The following COL5A3 variants were observed in gnomAD, a reference collection of about 807,000 sequenced individuals.
COL5A3 encodes collagen alpha-3(V) chain.
Under a neutral mutation model 250.0 loss-of-function variants are expected in COL5A3, and 172 were observed. The observed-to-expected ratio is 0.69, with a 90% CI of 0.61 to 0.78. The LOEUF is 0.78. Among genes scored for constraint, COL5A3 ranks in the 30% least tolerant of loss-of-function variants. The probability of loss-of-function intolerance (pLI) is 0.00; values close to 1 mark genes in which losing one functional copy is unlikely to be tolerated. For synonymous variants in COL5A3, 937 were observed against 900.4 expected, an observed-to-expected ratio of 1.04 and a Z score of -0.73; for missense variants, 2,340 against 2,334.4, an observed-to-expected ratio of 1.00 and a Z score of -0.05.
At position 9,995,584 on chromosome 19, in the gene COL5A3, G is replaced by C; in HGVS notation, c.1567C>G (p.Pro523Ala). 6.2e-7 allele frequency: 1 copy of C among 1,608,676 alleles called. No homozygotes were observed. The highest frequency in any genetic ancestry group is 1.3e-5 in the African/African-American group (1 of 74,882). Residue 523 changes from proline (P) to alanine (A), a missense_variant, in exon 16 of 67, where the codon CCT becomes GCT. Pro to Ala is a conservative substitution (Grantham distance 27). This residue lies in a region of COL5A3 where 1,152 missense variants were observed against 1,146.3 expected (regional missense o/e 1.00). Coordinates refer to ENST00000264828, the MANE Select transcript of COL5A3 (RefSeq NM_015719.4). ...CTCACCATCTTGCCCACTCGGCCAG[G>C]GGGTCCATGAGGTCCCTGCAGGCCT... ...PRGLQGPHGP[P>A]GRVGKMGRPG...
chr19:10,002,472 C>A (rs948132341), intron 6 of COL5A3, among the ~76,000 whole-genome samples: 8 of 147,110 alleles, frequency 5.4e-5, no homozygotes, highest in African/African-American at 2.0e-4. Flanking sequence ...GACCCCCCAA[C>A]CCAGTGACCC....
Position 9,998,128 on chromosome 19 carries a change from T to C in COL5A3, c.1132A>G (p.Lys378Glu). The C allele has an allele frequency of 6.2e-7, 1 of 1,613,778 alleles. No individual in the cohort carries two copies. The highest frequency in any genetic ancestry group is 8.5e-7 in the Non-Finnish European group (1 of 1,179,920). The change falls in exon 9 of 67, where the codon AAA becomes GAA. Residue 378 changes from lysine to glutamate, a missense_variant. By Grantham distance (56) the Lys-to-Glu change is moderately conservative. Coordinates refer to ENST00000264828, the MANE Select transcript of COL5A3 (RefSeq NM_015719.4). ...IFPGAGEKGA[K>E]GEPAVIEKGQ... ...TTTTCAATCACTGCGGGCTCTCCTTTTGCTCCTTTCTCTCCAGCACCCTGG... is the reference window on the plus strand; with the variant it reads ...TTTTCAATCACTGCGGGCTCTCCTTCTGCTCCTTTCTCTCCAGCACCCTGG...
chr19:9,961,747 A>G (rs1179417110), intron 65 of COL5A3, among the ~76,000 whole-genome samples: 1 of 151,830 alleles, frequency 6.6e-6, no homozygotes. Context: ...TTTAGTAGAG[A>G]CGGGGTTTCA....
chr19:9,980,974 A>G (rs1367006530), intron 33 of COL5A3, 114 bp downstream of exon 33: 24 of 1,495,974 alleles, frequency 1.6e-5, no homozygotes, highest in Non-Finnish European at 2.1e-5. Context: ...CCGACCAGGG[A>G]CATTGATATA....
At chr19:9,989,597 A>G (rs1204019731) in intron 24 of COL5A3, 75 bp from the exon 25 acceptor site, 1 of 1,324,428 alleles carries the variant, frequency 7.6e-7, no homozygotes, top group Non-Finnish European at 1.0e-6. Flanking sequence ...CTACGCAGAC[A>G]TGCAGCCGCC....
In COL5A3 at chr19:10,009,591, C is replaced by A. The variant is rs1267399941; in HGVS notation, c.88+707G>T. 6.6e-6 allele frequency among the ~76,000 whole-genome samples: 1 copy of A among 152,044 alleles called. No individual in the cohort carries two copies. Among genetic ancestry groups the A allele is most frequent in the Non-Finnish European group, 1.5e-5 (1 of 68,010 alleles). On this transcript the variant is annotated intron_variant, in intron 1 of 66. Coordinates refer to ENST00000264828, the MANE Select transcript of COL5A3 (RefSeq NM_015719.4). This position sits in a 1 kb window ranked among gnomAD's most constrained non-coding sequence, Gnocchi z 4.4. Reference sequence around the variant, plus strand: ...GAAGCCCTGTCCATGGTGCTGATCGCGGCTCTGGGGACCGCGGGGTGGGGG... The same window carrying A: ...GAAGCCCTGTCCATGGTGCTGATCGAGGCTCTGGGGACCGCGGGGTGGGGG...
At chr19:10,008,123 C>T (rs2087468147) in intron 1 of COL5A3, among the ~76,000 whole-genome samples, 1 of 152,072 alleles carries the variant, frequency 6.6e-6, no homozygotes, top group African/African-American at 2.4e-5. Context: ...AGAGTCACTT[C>T]CCCACGGAAC....
chr19:9,970,013 A>T, intron 54 of COL5A3, 91 bp from the exon 55 acceptor site: 1 of 799,122 alleles, frequency 1.3e-6, no homozygotes, highest in Non-Finnish European at 2.0e-6. Flanking sequence ...GTTATGGATG[A>T]GTGGGGTCTG....
At position 9,996,307 on chromosome 19, in the gene COL5A3, C is replaced by T. The variant is rs768209235; in HGVS notation, c.1423-45G>A. ...AGAGCTTGGGGCCTCCCACAAGACC[C>T]CCAACATTCCCCACAGAGGCATCTT... is the stretch of plus-strand genomic sequence containing the variant. On this transcript the variant is annotated intron_variant, in intron 13 of 66. Coordinates refer to ENST00000264828, the MANE Select transcript of COL5A3 (RefSeq NM_015719.4). The T allele has an allele frequency of 5.8e-6, 9 of 1,546,494 alleles. No individual in the cohort carries two copies. In the East Asian group the frequency reaches 1.8e-4, roughly 31 times the overall value.
At position 9,971,035 on chromosome 19, in the gene COL5A3, G is replaced by T. The variant is rs183732802; in HGVS notation, c.3829-7C>A. 4 of 1,521,442 alleles carry T rather than the reference G, an allele frequency of 2.6e-6. No homozygotes were observed. Among genetic ancestry groups the T allele is most frequent in the Non-Finnish European group, 3.5e-6 (4 of 1,140,510 alleles). 94.2% of individuals were successfully genotyped at this position (1,521,442 alleles called of 1,614,324 possible). ...CTGGGGAACCATCTATGCCCTGCATGGGGGGAAGACAGAGTTGGGAGGGGT... is the reference window on the plus strand; with the variant it reads ...CTGGGGAACCATCTATGCCCTGCATTGGGGGAAGACAGAGTTGGGAGGGGT... On this transcript the variant is annotated splice_region_variant and splice_polypyrimidine_tract_variant and intron_variant, in intron 52 of 66. Coordinates refer to ENST00000264828, the MANE Select transcript of COL5A3 (RefSeq NM_015719.4).
chr19:9,986,684 T>C, intron 28 of COL5A3, 30 bp downstream of exon 28: 1 of 1,613,414 alleles, frequency 6.2e-7, no homozygotes. Context: ...TGGGACTCCC[T>C]CTCCTCTGAT....
At chr19:9,967,491 A>G (rs2086769764) in intron 61 of COL5A3, 91 bp from the exon 62 acceptor site, 5 of 826,284 alleles carry the variant, frequency 6.1e-6, no homozygotes, top group Non-Finnish European at 9.4e-6. Flanking sequence ...ACTCACACAC[A>G]CACTCACACA....
intron 1 of COL5A3, among the ~76,000 whole-genome samples, chr19:10,008,545 A>C (rs1477571419): frequency 6.6e-6 from 1 of 151,928 alleles, no homozygotes; most frequent in Admixed American, 6.6e-5. Context: ...ATGTGGAGGG[A>C]CAGAGGCGGG....
intron 8 of COL5A3, among the ~76,000 whole-genome samples, chr19:9,999,911 C>G (rs530692259): frequency 6.6e-6 from 1 of 152,110 alleles, no homozygotes; most frequent in South Asian, 2.1e-4. Context: ...CACGAACCAC[C>G]ACGTTCGATT....
chr19:9,987,526 C>T (rs113718949), intron 27 of COL5A3, among the ~76,000 whole-genome samples: 12,106 of 151,886 alleles, frequency 0.08, 611 homozygotes, highest in African/African-American at 0.14. Context: ...TGCTTGAGCC[C>T]AGGAGTTCCA....
chr19:9,993,287 G>A, intron 19 of COL5A3, 93 bp downstream of exon 19: 3 of 1,402,186 alleles, frequency 2.1e-6, no homozygotes, highest in East Asian at 2.3e-5. Context: ...CTCTCAAGCT[G>A]GCCACTGAGA....
At chr19:9,984,318 C>A (rs2087063582) in intron 31 of COL5A3, among the ~76,000 whole-genome samples, 1 of 152,104 alleles carries the variant, frequency 6.6e-6, no homozygotes. Flanking sequence ...CCACTGCGCC[C>A]AGCCCCAAAT....
In COL5A3 at chr19:9,977,680, G is replaced by A; in HGVS notation, c.3040C>T (p.Pro1014Ser). ...GANGSPGERG[P>S]LGPAGGIGLP... ...CCAATGCCTCCTGCTGGGCCCAAAG[G>A]ACCGCGCTCACCAGGGGAGCCCTGA... is the stretch of plus-strand genomic sequence containing the variant. The change falls in exon 42 of 67, where the codon CCT becomes TCT. Residue 1014 changes from proline (P) to serine (S), a missense_variant. Coordinates refer to ENST00000264828, the MANE Select transcript of COL5A3 (RefSeq NM_015719.4). The A allele has an allele frequency of 6.2e-7, 1 of 1,602,858 alleles. No homozygotes were observed. The highest frequency in any genetic ancestry group is 8.5e-7 in the Non-Finnish European group (1 of 1,174,592).
chr19:10,004,418 T>C (rs2087410627), intron 4 of COL5A3, among the ~76,000 whole-genome samples: 1 of 152,160 alleles, frequency 6.6e-6, no homozygotes. Context: ...TAGAGGTGCA[T>C]CAGTTCCTTC....
Sources: gnomAD v4.1 joint callset for allele counts (sites outside exome capture counted in the v4.1 genomes callset) on GRCh38, gnomAD v4.1.1 for gene constraint, gnomAD v4.1.1 regional missense constraint, Gnocchi (gnomAD v3.1) non-coding constraint, MANE v1.5 for transcripts, NCBI Gene and HGNC (gene_info 2026-07-23, HGNC 2026-07-21) for gene names.